The following TSSK1B variants were observed in gnomAD, a reference collection of about 807,000 sequenced individuals.
The protein encoded by TSSK1B is testis specific serine kinase 1B, also known as testis-specific serine/threonine-protein kinase 1.
TSSK1B carries 2 observed loss-of-function variants against 4.0 expected under a neutral mutation model. The observed-to-expected ratio is 0.50, with a 90% CI of 0.20 to 1.57. TSSK1B has a LOEUF of 1.57. Among genes scored for constraint, TSSK1B ranks in the 40% most tolerant of loss-of-function variants. The pLI is 0.22. For synonymous variants in TSSK1B, 198 were observed against 200.7 expected (o/e 0.99, Z 0.11); for missense variants, 488 against 495.1 (o/e 0.99, Z 0.14).
At position 113,434,511 on chromosome 5, in the gene TSSK1B, T is replaced by C; in HGVS notation, c.329A>G (p.Glu110Gly). The C allele has an allele frequency of 6.2e-7, 1 of 1,612,900 alleles. No individual in the cohort carries two copies. The highest frequency in any genetic ancestry group is 8.5e-7 in the Non-Finnish European group (1 of 1,179,080). The change falls in exon 1 of 1, where the codon GAG (glutamate) becomes GGG (glycine). Residue 110 changes from glutamate to glycine, a missense_variant. Glu to Gly is a moderately conservative substitution (Grantham distance 98, BLOSUM62 -2). Transcript: ENST00000390666. The surrounding 1 kb of genome is among the most constrained non-coding windows in gnomAD (Gnocchi z 4.2). ...GTGGAACTTCTTGCGAGCTTCGTCCTCATGCAGGGCTCCCCGGGTTTTGAT... is the reference window on the plus strand; with the variant it reads ...GTGGAACTTCTTGCGAGCTTCGTCCCCATGCAGGGCTCCCCGGGTTTTGAT... The part of the protein sequence containing the change: ...ELIKTRGALH[E>G]DEARKKFHQL...
In TSSK1B at chr5:113,433,328, C is replaced by T. The variant is rs990625228; in HGVS notation, c.*408G>A. On this transcript the variant is annotated 3_prime_UTR_variant, in exon 1 of 1. Coordinates refer to ENST00000390666, the MANE Select transcript of TSSK1B (RefSeq NM_032028.4). The stretch of plus-strand genomic sequence containing the variant: ...CTCAGTCTGGCCCGGTCTGGCCTCC[C>T]AGCAGGGTCACGCAACTGCCCCGGG... The T allele has an allele frequency of 4.3e-5, 15 of 345,728 alleles. No homozygotes were observed. Among genetic ancestry groups the T allele is most frequent in the African/African-American group, 3.3e-4 (15 of 45,728 alleles). 21.4% of individuals were successfully genotyped at this position (345,728 alleles called of 1,614,324 possible).
In TSSK1B at chr5:113,433,624, G is replaced by T; in HGVS notation, c.*112C>A. 1 of 1,319,934 alleles carries T rather than the reference G, an allele frequency of 7.6e-7. No individual in the cohort carries two copies. The highest frequency in any genetic ancestry group is 1.0e-6 in the Non-Finnish European group (1 of 976,028). 81.8% of individuals were successfully genotyped at this position (1,319,934 alleles called of 1,614,324 possible). On this transcript the variant is annotated 3_prime_UTR_variant, in exon 1 of 1. Coordinates refer to ENST00000390666, the MANE Select transcript of TSSK1B (RefSeq NM_032028.4). ...TCAAGGGGAGAGAGAAGAAGCTGAT[G>T]AAAATAGAGGCTCATCTGGGACTGC...
Position 113,432,813 on chromosome 5 carries a change from G to A in TSSK1B, c.*923C>T, listed in dbSNP as rs574338370. ...GTAAAATTTTCTTCTGGGGGTGCTG[G>A]GGAGTAAATTAGCTACAAAATCAAT... On this transcript the variant is annotated 3_prime_UTR_variant, in exon 1 of 1. Coordinates refer to ENST00000390666, the MANE Select transcript of TSSK1B (RefSeq NM_032028.4). The A allele has an allele frequency of 6.6e-6, 1 of 152,238 alleles. No individual in the cohort carries two copies. Among genetic ancestry groups the A allele is most frequent in the East Asian group, 1.9e-4 (1 of 5,180 alleles). 9.4% of individuals were successfully genotyped at this position (152,238 alleles called of 1,614,324 possible).
In TSSK1B at chr5:113,434,230, C is replaced by A. The variant is rs1193489777; in HGVS notation, c.610G>T (p.Val204Leu). 1 of 1,613,956 alleles carries A rather than the reference C, an allele frequency of 6.2e-7. No individual in the cohort carries two copies. The highest frequency in any genetic ancestry group is 1.3e-5 in the African/African-American group (1 of 74,912). The change falls in exon 1 of 1, where the codon GTG (valine) becomes TTG (leucine). Residue 204 changes from valine to leucine, a missense_variant. Val to Leu is a conservative substitution (Grantham distance 32, BLOSUM62 1). Coordinates refer to ENST00000390666, the MANE Select transcript of TSSK1B (RefSeq NM_032028.4). This position sits in a 1 kb window ranked among gnomAD's most constrained non-coding sequence, Gnocchi z 4.2. ...PKVYDIWSLG[V>L]ILYIMVCGSM... The stretch of plus-strand genomic sequence containing the variant: ...CCGCAGACCATGATGTAGAGGATCA[C>A]GCCTAGGCTCCAGATGTCGTACACC...
Position 113,434,064 on chromosome 5 carries a change from C to A in TSSK1B, c.776G>T (p.Arg259Leu), listed in dbSNP as rs754276272. The part of the protein sequence containing the change: ...IYHMLQPDVN[R>L]RLHIDEILSH... Reference sequence around the variant, plus strand: ...GAGGATCTCGTCGATGTGGAGCCGCCGGTTGACGTCGGGCTGCAGCATGTG... The same window carrying A: ...GAGGATCTCGTCGATGTGGAGCCGCAGGTTGACGTCGGGCTGCAGCATGTG... Residue 259 changes from arginine (R) to leucine (L), a missense_variant, in exon 1 of 1, where the codon CGG (arginine) becomes CTG (leucine). Transcript: ENST00000390666. This position sits in a 1 kb window ranked among gnomAD's most constrained non-coding sequence, Gnocchi z 4.2. The A allele has an allele frequency of 7.4e-6, 12 of 1,614,024 alleles. No homozygotes were observed. Among genetic ancestry groups the A allele is most frequent in the Admixed American group, 6.7e-5 (4 of 60,010 alleles).
At position 113,434,976 on chromosome 5, in the gene TSSK1B, C is replaced by G; in HGVS notation, c.-137G>C. ...CCTGCTGTTCCTGCCTCCTAGAGGC[C>G]AAGACTCTGGAGTGGAACATTTGGC... On this transcript the variant is annotated 5_prime_UTR_variant, in exon 1 of 1. Transcript: ENST00000390666. The surrounding 1 kb of genome is among the most constrained non-coding windows in gnomAD (Gnocchi z 4.2). The G allele has an allele frequency of 9.3e-7, 1 of 1,070,420 alleles. No homozygotes were observed. The highest frequency in any genetic ancestry group is 2.8e-5 in the Admixed American group (1 of 35,752). The allele number at this position is 1,070,420 out of a possible 1,614,324, so 66.3% of individuals were successfully genotyped here. A position where few individuals can be genotyped will look rare whatever the true frequency, so the allele number is the denominator to read the frequency against.
rs751027729 is a variant in TSSK1B, at chr5:113,434,083, G to T, written c.757C>A (p.Leu253Met). 13 of 1,614,094 alleles carry T rather than the reference G, an allele frequency of 8.1e-6. 1 individual carries two copies. Among genetic ancestry groups the T allele is most frequent in the South Asian group, 6.6e-5 (6 of 91,088 alleles). Residue 253 changes from leucine (L) to methionine (M), a missense_variant, in exon 1 of 1, where the codon CTG becomes ATG. By Grantham distance (15) the Leu-to-Met change is conservative. Coordinates refer to ENST00000390666, the MANE Select transcript of TSSK1B (RefSeq NM_032028.4). The surrounding 1 kb of genome is among the most constrained non-coding windows in gnomAD (Gnocchi z 4.2). ...GECKDLIYHM[L>M]QPDVNRRLHI... Reference sequence around the variant, plus strand: ...AGCCGCCGGTTGACGTCGGGCTGCAGCATGTGGTAGATGAGGTCCTTGCAC... The same window carrying T: ...AGCCGCCGGTTGACGTCGGGCTGCATCATGTGGTAGATGAGGTCCTTGCAC...
chr5:113,434,117 C>A lies in TSSK1B; in HGVS notation c.723G>T (p.Leu241=), dbSNP rs182369490. 6.2e-7 allele frequency: 1 copy of A among 1,614,200 alleles called. No homozygotes were observed. The highest frequency in any genetic ancestry group is 1.7e-5 in the Admixed American group (1 of 60,030). ...AGATGAGGTCCTTGCACTCGCCTGTCAGGTGCTTGGAGCGTGGGAAGTTGA... is the reference window on the plus strand; with the variant it reads ...AGATGAGGTCCTTGCACTCGCCTGTAAGGTGCTTGGAGCGTGGGAAGTTGA... The part of the protein sequence containing the change: ...HRVNFPRSKH[L]TGECKDLIYH... Residue 241 remains leucine, a synonymous_variant, in exon 1 of 1, where the codon CTG becomes CTT. Transcript: ENST00000390666. The surrounding 1 kb of genome is among the most constrained non-coding windows in gnomAD (Gnocchi z 4.2).
chr5:113,433,370 T>C lies in TSSK1B; in HGVS notation c.*366A>G, dbSNP rs531086663. On this transcript the variant is annotated 3_prime_UTR_variant, in exon 1 of 1. Coordinates refer to ENST00000390666, the MANE Select transcript of TSSK1B (RefSeq NM_032028.4). ...TGCCCCGGGGACGATGAAAGGAGGATAAATGGTGCCCAAGGTGGACAGCGG... is the reference window on the plus strand; with the variant it reads ...TGCCCCGGGGACGATGAAAGGAGGACAAATGGTGCCCAAGGTGGACAGCGG... 8.6e-6 allele frequency: 4 copies of C among 466,858 alleles called. No individual in the cohort carries two copies. The highest frequency in any genetic ancestry group is 6.0e-5 in the East Asian group (1 of 16,754). 28.9% of individuals were successfully genotyped at this position (466,858 alleles called of 1,614,324 possible).
chr5:113,434,585 C>T lies in TSSK1B; in HGVS notation c.255G>A (p.Lys85=), dbSNP rs777777802. 6 of 1,613,882 alleles carry T rather than the reference C, an allele frequency of 3.7e-6. No homozygotes were observed. Among genetic ancestry groups the T allele is most frequent in the Non-Finnish European group, 5.1e-6 (6 of 1,179,862 alleles). Residue 85 remains lysine (K), a synonymous_variant, in exon 1 of 1, where the codon AAG becomes AAA. Transcript: ENST00000390666. The surrounding 1 kb of genome is among the most constrained non-coding windows in gnomAD (Gnocchi z 4.2). ...TYEIFETSHG[K]VYIVMELAVQ... ...CCGCGAGCTCCATGACGATGTAGAC[C>T]TTGCCATGTGATGTCTCAAAGATCT...
In TSSK1B at chr5:113,434,198, C is replaced by T. The variant is rs1770770351; in HGVS notation, c.642G>A (p.Met214Ile). Residue 214 changes from methionine to isoleucine, a missense_variant, in exon 1 of 1, where the codon ATG (methionine) becomes ATA (isoleucine). Met to Ile is a conservative substitution (Grantham distance 10, BLOSUM62 1). Transcript: ENST00000390666. The surrounding 1 kb of genome is among the most constrained non-coding windows in gnomAD (Gnocchi z 4.2). ...VILYIMVCGSMPYDDSNIKKM... is the reference protein window; with the variant it reads ...VILYIMVCGSIPYDDSNIKKM... ...TCTTGATGTTGGAGTCGTCGTAGGG[C>T]ATGGAGCCGCAGACCATGATGTAGA... 2 of 1,614,010 alleles carry T rather than the reference C, an allele frequency of 1.2e-6. No individual in the cohort carries two copies. Among genetic ancestry groups the T allele is most frequent in the Admixed American group, 1.7e-5 (1 of 60,008 alleles).
rs748779940 is a variant in TSSK1B at position 113,433,920 on chromosome 5, T to G, written c.920A>C (p.Lys307Thr). 6.2e-7 allele frequency: 1 copy of G among 1,614,026 alleles called. No individual in the cohort carries two copies. Among genetic ancestry groups the G allele is most frequent in the Non-Finnish European group, 8.5e-7 (1 of 1,179,884 alleles). ...CTCAGGCTCCAGCTTGGTGGCAGAC[T>G]TCTTGTCAGAGCCAGGTTCGGGGGT... The part of the protein sequence containing the change: ...LWTPEPGSDK[K>T]SATKLEPEGE... Residue 307 changes from lysine to threonine, a missense_variant, in exon 1 of 1, where the codon AAG (lysine) becomes ACG (threonine). Lys to Thr is a moderately conservative substitution (Grantham distance 78). Coordinates refer to ENST00000390666, the MANE Select transcript of TSSK1B (RefSeq NM_032028.4).
At position 113,432,783 on chromosome 5, in the gene TSSK1B, C is replaced by T. The variant is rs1770701891; in HGVS notation, c.*953G>A. 1 of 152,142 alleles carries T rather than the reference C, an allele frequency of 6.6e-6. No homozygotes were observed. Among genetic ancestry groups the T allele is most frequent in the Non-Finnish European group, 1.5e-5 (1 of 68,016 alleles). The allele number at this position is 152,142 out of a possible 1,614,324, so 9.4% of individuals were successfully genotyped here. A position where few individuals can be genotyped will look rare whatever the true frequency, so the allele number is the denominator to read the frequency against. On this transcript the variant is annotated 3_prime_UTR_variant, in exon 1 of 1. Transcript: ENST00000390666. ...GGAAAAAATAAAAATAAAACATTTTCCTTTGTAAAATTTTCTTCTGGGGGT... is the reference window on the plus strand; with the variant it reads ...GGAAAAAATAAAAATAAAACATTTTTCTTTGTAAAATTTTCTTCTGGGGGT...
rs78102202 is a variant in TSSK1B at position 113,434,901 on chromosome 5, G to A, written c.-62C>T. 0.013 allele frequency: 19,781 copies of A among 1,540,340 alleles called. 459 individuals carry two copies. Among genetic ancestry groups the A allele is most frequent in the African/African-American group, 0.099 (7,213 of 72,774 alleles). Reference sequence around the variant, plus strand: ...CTACAGCCCCGAGGCGCATGGGCCAGCAGTGTGCTCATTTACATCCTGGAT... The same window carrying A: ...CTACAGCCCCGAGGCGCATGGGCCAACAGTGTGCTCATTTACATCCTGGAT... On this transcript the variant is annotated 5_prime_UTR_variant, in exon 1 of 1. Transcript: ENST00000390666. The surrounding 1 kb of genome is among the most constrained non-coding windows in gnomAD (Gnocchi z 4.2).
In TSSK1B at chr5:113,434,231, G is replaced by T. The variant is rs374401521; in HGVS notation, c.609C>A (p.Gly203=). Residue 203 remains glycine, a synonymous_variant, in exon 1 of 1, where the codon GGC becomes GGA. Coordinates refer to ENST00000390666, the MANE Select transcript of TSSK1B (RefSeq NM_032028.4). The surrounding 1 kb of genome is among the most constrained non-coding windows in gnomAD (Gnocchi z 4.2). ...CGCAGACCATGATGTAGAGGATCAC[G>T]CCTAGGCTCCAGATGTCGTACACCT... ...QPKVYDIWSL[G]VILYIMVCGS... 3 of 1,614,054 alleles carry T rather than the reference G, an allele frequency of 1.9e-6. No individual in the cohort carries two copies. Among genetic ancestry groups the T allele is most frequent in the Admixed American group, 3.3e-5 (2 of 60,022 alleles).
rs568511670 is a variant in TSSK1B, at chr5:113,434,051, G to A, written c.789C>T (p.Ile263=). The A allele has an allele frequency of 9.9e-6, 16 of 1,614,086 alleles. No individual in the cohort carries two copies. Among genetic ancestry groups the A allele is most frequent in the South Asian group, 8.8e-5 (8 of 91,086 alleles). The part of the protein sequence containing the change: ...LQPDVNRRLH[I]DEILSHCWMQ... ...TCCAGCAGTGGCTGAGGATCTCGTC[G>A]ATGTGGAGCCGCCGGTTGACGTCGG... The change falls in exon 1 of 1, where the codon ATC becomes ATT. Residue 263 remains isoleucine (I), a synonymous_variant. Coordinates refer to ENST00000390666, the MANE Select transcript of TSSK1B (RefSeq NM_032028.4). The surrounding 1 kb of genome is among the most constrained non-coding windows in gnomAD (Gnocchi z 4.2).
chr5:113,433,714 C>CA lies in TSSK1B; in HGVS notation c.*21dup. 3 of 1,598,674 alleles carry CA rather than the reference C, an allele frequency of 1.9e-6. No homozygotes were observed. Among genetic ancestry groups the CA allele is most frequent in the Non-Finnish European group, 2.6e-6 (3 of 1,172,290 alleles). On this transcript the variant is annotated 3_prime_UTR_variant, in exon 1 of 1. Coordinates refer to ENST00000390666, the MANE Select transcript of TSSK1B (RefSeq NM_032028.4). ...GGGCTTTAAGCCGTGAGCTCCATCT[C>CA]ATTCCCTGGGCCGCAAGAAGCTCAC...
rs1770794434 is a variant in TSSK1B at position 113,434,722 on chromosome 5, T to G, written c.118A>C (p.Ile40Leu). The G allele has an allele frequency of 1.9e-6, 3 of 1,614,070 alleles. No homozygotes were observed. The highest frequency in any genetic ancestry group is 2.5e-6 in the Non-Finnish European group (3 of 1,179,972). ...YSERLKFNVA[I>L]KIIDRKKAPA... ...GCCTTCTTGCGGTCGATGATCTTGA[T>G]CGCCACATTGAACTTCAGGCGCTCA... Residue 40 changes from isoleucine (I) to leucine (L), a missense_variant, in exon 1 of 1, where the codon ATC becomes CTC. Coordinates refer to ENST00000390666, the MANE Select transcript of TSSK1B (RefSeq NM_032028.4). This position sits in a 1 kb window ranked among gnomAD's most constrained non-coding sequence, Gnocchi z 4.2.
Position 113,434,575 on chromosome 5 carries a change from C to T in TSSK1B, c.265G>A (p.Val89Ile), listed in dbSNP as rs370311657. 28 of 1,613,562 alleles carry T rather than the reference C, an allele frequency of 1.7e-5. No homozygotes were observed. The highest frequency in any genetic ancestry group is 9.3e-5 in the African/African-American group (7 of 74,954). ...FETSHGKVYI[V>I]MELAVQGDLL... is the part of the protein sequence containing the mutation. ...TCGCCCTGGACCGCGAGCTCCATGA[C>T]GATGTAGACCTTGCCATGTGATGTC... Residue 89 changes from valine (V) to isoleucine (I), a missense_variant, in exon 1 of 1, where the codon GTC (valine) becomes ATC (isoleucine). By Grantham distance (29) the Val-to-Ile change is conservative. Coordinates refer to ENST00000390666, the MANE Select transcript of TSSK1B (RefSeq NM_032028.4). The surrounding 1 kb of genome is among the most constrained non-coding windows in gnomAD (Gnocchi z 4.2).
Sources: gnomAD v4.1 joint callset for allele counts on GRCh38, gnomAD v4.1.1 for gene constraint, Gnocchi (gnomAD v3.1) non-coding constraint, MANE v1.5 for transcripts, NCBI Gene and HGNC (gene_info 2026-07-23, HGNC 2026-07-21) for gene names.